The following HIVEP1 variants were observed in gnomAD, a reference collection of about 807,000 sequenced individuals.
The protein encoded by HIVEP1 is HIVEP zinc finger 1, also known as zinc finger protein 40.
In HIVEP1, 36 loss-of-function variants were observed where a neutral mutation model predicts 180.0. The ratio of observed to expected loss-of-function variants is 0.20; its 90% CI spans 0.15 to 0.26. The LOEUF is 0.26. Ranked by LOEUF, HIVEP1 falls within the 10% of genes least tolerant of loss-of-function variation. The pLI, the probability that HIVEP1 is intolerant of heterozygous loss-of-function variation, is 1.00. For missense variants in HIVEP1, 3,143 were observed against 3,268.7 expected (o/e 0.96, Z 0.94); for synonymous variants, 1,239 against 1,239.0 (o/e 1.00, Z 0.00).
chr6:12,199,329 C>A, the HIVEP1 span, among the ~76,000 whole-genome samples: 2 of 151,266 alleles, frequency 1.3e-5, no homozygotes, highest in African/African-American at 4.9e-5. Context: ...ACGGACTAAT[C>A]CCTGCCTTTT....
chr6:12,009,139 G>C (rs1397865595), upstream of HIVEP1, among the ~76,000 whole-genome samples: 1 of 146,454 alleles, frequency 6.8e-6, no homozygotes, highest in Non-Finnish European at 1.5e-5. Context: ...CGGCGGCGGC[G>C]GCGGCGCTGC....
intron 3 of HIVEP1, among the ~76,000 whole-genome samples, chr6:12,097,315 ATTT>A (rs199873320): frequency 1.4e-5 from 2 of 138,802 alleles, no homozygotes; most frequent in East Asian, 2.0e-4. Context: ...TGCACCAGCC[ATTT>A]TTTTTTTTTT....
chr6:12,211,280 G>A, the HIVEP1 span, among the ~76,000 whole-genome samples: 1 of 94,350 alleles, frequency 1.1e-5, no homozygotes, highest in Admixed American at 9.4e-5. Context: ...GGTGCCTGTA[G>A]TCCCAGCTAC....
At chr6:12,091,711 A>C (rs1381190513) in intron 3 of HIVEP1, among the ~76,000 whole-genome samples, 1 of 152,164 alleles carries the variant, frequency 6.6e-6, no homozygotes, top group Non-Finnish European at 1.5e-5. Context: ...TTGAATGAAA[A>C]TCAGATGACT....
intron 2 of HIVEP1, among the ~76,000 whole-genome samples, chr6:12,071,958 C>A (rs1325109003): frequency 6.6e-6 from 1 of 152,152 alleles, no homozygotes; most frequent in Non-Finnish European, 1.5e-5. Context: ...TATAGTCTTA[C>A]ATTTGCCTCT....
At chr6:12,062,179 T>C (rs1771281589) in intron 2 of HIVEP1, among the ~76,000 whole-genome samples, 1 of 152,178 alleles carries the variant, frequency 6.6e-6, no homozygotes, top group Non-Finnish European at 1.5e-5. Flanking sequence ...ACTGAACAAA[T>C]TTGTAGAATG....
chr6:12,197,148 T>C, the HIVEP1 span, among the ~76,000 whole-genome samples: 3 of 152,194 alleles, frequency 2.0e-5, no homozygotes, highest in African/African-American at 7.2e-5. Context: ...AGAATAAGTA[T>C]GTCTGGCCTT....
intron 7 of HIVEP1, among the ~76,000 whole-genome samples, chr6:12,144,159 A>G (rs948048088): frequency 6.6e-6 from 1 of 152,252 alleles, no homozygotes; most frequent in Admixed American, 6.5e-5. Flanking sequence ...ACCAAACAGC[A>G]TGGTACTGGT....
At chr6:12,099,901 A>G (rs779936810) in intron 3 of HIVEP1, among the ~76,000 whole-genome samples, 1 of 152,224 alleles carries the variant, frequency 6.6e-6, no homozygotes, top group Non-Finnish European at 1.5e-5. Context: ...ATATTAAATT[A>G]TCTAATGCAG....
chr6:12,024,663 T>G (rs1012531716), intron 2 of HIVEP1, among the ~76,000 whole-genome samples: 3 of 152,236 alleles, frequency 2.0e-5, no homozygotes, highest in African/African-American at 4.8e-5. Context: ...TACAACTGCT[T>G]AATATAGTAT....
intron 2 of HIVEP1, among the ~76,000 whole-genome samples, chr6:12,046,851 G>GTA (rs1770159676): frequency 6.6e-6 from 1 of 150,704 alleles, no homozygotes; most frequent in Non-Finnish European, 1.5e-5. Flanking sequence ...TACACTGTGT[G>GTA]TGTGTGTGTG....
At chr6:12,057,804 A>T (rs1274907417) in intron 2 of HIVEP1, among the ~76,000 whole-genome samples, 1 of 152,190 alleles carries the variant, frequency 6.6e-6, no homozygotes, top group African/African-American at 2.4e-5. Context: ...AATTATTTGG[A>T]CAATGGGAGG....
At chr6:12,103,911 A>G (rs1774254418) in intron 3 of HIVEP1, among the ~76,000 whole-genome samples, 1 of 152,158 alleles carries the variant, frequency 6.6e-6, no homozygotes. Context: ...GTCATATATT[A>G]GAAAAGGTCT....
the HIVEP1 span, among the ~76,000 whole-genome samples, chr6:12,211,742 T>C: frequency 6.6e-6 from 1 of 152,140 alleles, no homozygotes; most frequent in African/African-American, 2.4e-5. Context: ...GTTTGGTCCA[T>C]GGTGAACATC....
At chr6:12,160,697 T>C (rs557160163) in intron 7 of HIVEP1, among the ~76,000 whole-genome samples, 11 of 152,196 alleles carry the variant, frequency 7.2e-5, no homozygotes, top group Non-Finnish European at 1.5e-4. Flanking sequence ...GGAATTCTCA[T>C]GGATATACAG....
chr6:12,023,507 G>A lies in HIVEP1; in HGVS notation c.40+7839G>A, dbSNP rs542375170. ...AAAAACAAAAGAAATTCTCTATATT[G>A]TAGCTAGAAAGGAAATAAGTAATAA... On this transcript the variant is annotated intron_variant, in intron 2 of 8. Transcript: ENST00000379388. Among the ~76,000 whole-genome samples the A allele has an allele frequency of 2.0e-5, 3 of 152,268 alleles. No homozygotes were observed. In the East Asian group the frequency reaches 5.8e-4, roughly 29 times the overall value.
chr6:12,022,722 T>C (rs1445606602), intron 2 of HIVEP1, among the ~76,000 whole-genome samples: 1 of 152,212 alleles, frequency 6.6e-6, no homozygotes, highest in East Asian at 1.9e-4. Flanking sequence ...CTTGGTTCCA[T>C]ATGCTTTATA....
chr6:12,188,516 A>G, the HIVEP1 span, among the ~76,000 whole-genome samples: 9 of 152,318 alleles, frequency 5.9e-5, no homozygotes, highest in South Asian at 1.2e-3. Context: ...GTACACATGA[A>G]AAACATAAAA....
chr6:12,154,891 CTTTCTT>C (rs1338016658), intron 7 of HIVEP1, among the ~76,000 whole-genome samples: 1 of 148,878 alleles, frequency 6.7e-6, no homozygotes, highest in African/African-American at 2.4e-5. Flanking sequence ...TTCTCTCTCT[CTTTCTT>C]GGCTAGTGTT....
Sources: allele counts gnomAD v4.1 joint callset (sites outside exome capture counted in the v4.1 genomes callset), GRCh38; gene constraint gnomAD v4.1.1; transcripts MANE v1.5; gene names NCBI Gene and HGNC (gene_info 2026-07-23, HGNC 2026-07-21).